Variants in SMAD9 observed in about 807,000 individuals in gnomAD.
SMAD9 encodes the protein SMAD family member 9, also known as MAD homolog 9.
SMAD9 carries 36 observed loss-of-function variants against 46.1 expected under a neutral mutation model. The observed-to-expected ratio is 0.78, with a 90% CI of 0.60 to 1.03. The LOEUF is 1.03. Ranked by LOEUF, SMAD9 falls within the 50% of genes least tolerant of loss-of-function variation. The probability of loss-of-function intolerance (pLI) is 0.00; values close to 1 mark genes in which losing one functional copy is unlikely to be tolerated. For synonymous variants in SMAD9, 245 were observed against 237.1 expected (o/e 1.03, Z -0.31); for missense variants, 572 against 599.8 (o/e 0.95, Z 0.48).
At chr13:36,874,180 G>A (rs1304158049) in intron 2 of SMAD9, among the ~76,000 whole-genome samples, 3 of 152,110 alleles carry the variant, frequency 2.0e-5, no homozygotes, top group Non-Finnish European at 1.5e-5. Context: ...AATAACAAAG[G>A]AAAACCTCAA....
At chr13:36,906,931 A>G (rs1038020754) in intron 1 of SMAD9, among the ~76,000 whole-genome samples, 3 of 152,240 alleles carry the variant, frequency 2.0e-5, no homozygotes, top group Admixed American at 2.0e-4. Flanking sequence ...ACAAGAAAAT[A>G]GGTACTCAAT....
In SMAD9 at chr13:36,885,677, C is replaced by A. The variant is rs183784486; in HGVS notation, c.-186-5802G>T. On this transcript the variant is annotated intron_variant, in intron 1 of 6. Coordinates refer to ENST00000379826, the MANE Select transcript of SMAD9 (RefSeq NM_001127217.3). ...CTTTGGTCCACAGCACCAAAGAAGA[C>A]AACAGAGACAGGGGAGCTCTATCTA... is the stretch of plus-strand genomic sequence containing the variant. Among the ~76,000 whole-genome samples the A allele has an allele frequency of 1.1e-4, 16 of 151,736 alleles. No individual in the cohort carries two copies. In the East Asian group the frequency reaches 2.5e-3, roughly 24 times the overall value.
rs1409517477 is a variant in SMAD9 at position 36,853,519 on chromosome 13, T to C, written c.1160A>G (p.Asn387Ser). The C allele has an allele frequency of 3.7e-6, 6 of 1,614,166 alleles. No homozygotes were observed. Among genetic ancestry groups the C allele is most frequent in the Non-Finnish European group, 5.1e-6 (6 of 1,180,024 alleles). The change falls in exon 6 of 7, where the codon AAC becomes AGC. Residue 387 changes from asparagine to serine, a missense_variant. Coordinates refer to ENST00000379826, the MANE Select transcript of SMAD9 (RefSeq NM_001127217.3). The part of the protein sequence containing the change: ...PSGCSLKVFN[N>S]QLFAQLLAQS... The stretch of plus-strand genomic sequence containing the variant: ...GGCCAGGAGCTGAGCGAAGAGCTGG[T>C]TGTTGAAGACCTTGAGGCTGCAGCC...
At chr13:36,876,905 AAC>A (rs2058350274) in intron 2 of SMAD9, among the ~76,000 whole-genome samples, 1 of 152,210 alleles carries the variant, frequency 6.6e-6, no homozygotes, top group Admixed American at 6.5e-5. Flanking sequence ...CTATTAAAAA[AAC>A]ACAAGTAAGA....
intron 1 of SMAD9, among the ~76,000 whole-genome samples, chr13:36,882,037 C>T (rs1232637917): frequency 1.3e-5 from 2 of 152,180 alleles, no homozygotes; most frequent in African/African-American, 4.8e-5. Flanking sequence ...GTTCCCTAAA[C>T]CAGGTTTTGT....
intron 1 of SMAD9, among the ~76,000 whole-genome samples, chr13:36,913,330 T>C (rs1424143886): frequency 1.3e-5 from 2 of 152,192 alleles, no homozygotes; most frequent in Non-Finnish European, 2.9e-5. Context: ...TGTCACTTCA[T>C]TTCGTTGTGT....
intron 1 of SMAD9, among the ~76,000 whole-genome samples, chr13:36,917,903 G>T (rs1010313542): frequency 1.7e-4 from 26 of 152,106 alleles, no homozygotes; most frequent in Admixed American, 2.6e-4. Flanking sequence ...AACATATTGA[G>T]TATTTTCATA....
intron 6 of SMAD9, chr13:36,852,380 AC>A: frequency 1.0e-6 from 1 of 985,184 alleles, no homozygotes; most frequent in Non-Finnish European, 1.2e-6. Context: ...ATTTTGAAAT[AC>A]TAGACTCATT....
intron 5 of SMAD9, 47 bp from the exon 6 acceptor site, chr13:36,853,722 G>A (rs376906857): frequency 8.7e-6 from 14 of 1,606,388 alleles, no homozygotes; most frequent in African/African-American, 8.0e-5. Flanking sequence ...CTTTCATAGC[G>A]TGCCTCTCCC....
chr13:36,881,211 G>A (rs1381804432), intron 1 of SMAD9, among the ~76,000 whole-genome samples: 2 of 152,102 alleles, frequency 1.3e-5, no homozygotes, highest in Non-Finnish European at 2.9e-5. Flanking sequence ...TGAAATAGTT[G>A]GCTTAAACAA....
chr13:36,861,342 C>G (rs530261565), intron 5 of SMAD9, among the ~76,000 whole-genome samples: 1 of 151,642 alleles, frequency 6.6e-6, no homozygotes, highest in Admixed American at 6.6e-5. Context: ...TGAGATGGAG[C>G]CTTGCACTAT....
At chr13:36,876,008 G>A (rs1275726303) in intron 2 of SMAD9, among the ~76,000 whole-genome samples, 1 of 152,142 alleles carries the variant, frequency 6.6e-6, no homozygotes, top group African/African-American at 2.4e-5. Context: ...CCTTAAATGT[G>A]CACTGATCAT....
chr13:36,917,523 T>A (rs1440656953), intron 1 of SMAD9, among the ~76,000 whole-genome samples: 1 of 152,188 alleles, frequency 6.6e-6, no homozygotes, highest in Non-Finnish European at 1.5e-5. Flanking sequence ...TACTGCTATA[T>A]TTACTGTTTC....
At chr13:36,856,953 C>T (rs2058132652) in intron 5 of SMAD9, among the ~76,000 whole-genome samples, 1 of 151,992 alleles carries the variant, frequency 6.6e-6, no homozygotes, top group Non-Finnish European at 1.5e-5. Flanking sequence ...CAGGCGCCTG[C>T]CACCACACCT....
chr13:36,875,541 T>C (rs2058338116), intron 2 of SMAD9, among the ~76,000 whole-genome samples: 1 of 152,152 alleles, frequency 6.6e-6, no homozygotes, highest in Non-Finnish European at 1.5e-5. Context: ...TAAATTCCCC[T>C]TAATGTATTC....
At chr13:36,905,614 A>T (rs1434822191) in intron 1 of SMAD9, among the ~76,000 whole-genome samples, 2 of 151,844 alleles carry the variant, frequency 1.3e-5, no homozygotes, top group Non-Finnish European at 2.9e-5. Context: ...CGAAAAACAA[A>T]AAAACAAAAA....
intron 3 of SMAD9, among the ~76,000 whole-genome samples, chr13:36,871,265 C>A (rs983925266): frequency 1.3e-5 from 2 of 152,192 alleles, no homozygotes; most frequent in East Asian, 3.9e-4. Flanking sequence ...TGCCTGTAAT[C>A]TCAGCACTTT....
intron 5 of SMAD9, among the ~76,000 whole-genome samples, 199 bp from the exon 6 acceptor site, chr13:36,853,874 C>T (rs184342461): frequency 6.6e-5 from 10 of 152,164 alleles, no homozygotes; most frequent in South Asian, 6.2e-4. Flanking sequence ...AAAAGTGGAT[C>T]GCAGCTGGGT....
chr13:36,900,971 C>A (rs1444475328), intron 1 of SMAD9, among the ~76,000 whole-genome samples: 1 of 152,138 alleles, frequency 6.6e-6, no homozygotes, highest in African/African-American at 2.4e-5. Context: ...CACCAATCTG[C>A]ATTCTGTCTT....
Sources: allele counts gnomAD v4.1 joint callset (sites outside exome capture counted in the v4.1 genomes callset), GRCh38; gene constraint gnomAD v4.1.1; transcripts MANE v1.5; gene names NCBI Gene and HGNC (gene_info 2026-07-23, HGNC 2026-07-21).